Variants in PCDHGA3 observed in about 807,000 individuals in gnomAD.
PCDHGA3 encodes protocadherin gamma subfamily A, 3.
Under a neutral mutation model 58.5 loss-of-function variants are expected in PCDHGA3, and 40 were observed. The observed-to-expected ratio is 0.68, with a 90% confidence interval of 0.53 to 0.89. PCDHGA3 has a LOEUF of 0.89. Among genes scored for constraint, PCDHGA3 ranks in the 40% least tolerant of loss-of-function variants. The pLI is 0.00. For missense variants in PCDHGA3, 1,223 were observed against 1,195.9 expected (o/e 1.02, Z -0.33); for synonymous variants, 530 against 525.7 (o/e 1.01, Z -0.11).
At chr5:141,352,536 CAG>C (rs745565888) in intron 1 of PCDHGA3, 4 of 1,614,032 alleles carry the variant, frequency 2.5e-6, no homozygotes, top group South Asian at 2.2e-5. Context: ...TCTGCAAAGA[CAG>C]AGTTTAATTC....
chr5:141,444,470 C>T (rs1275997551), intron 1 of PCDHGA3, among the ~76,000 whole-genome samples: 2 of 152,058 alleles, frequency 1.3e-5, no homozygotes, highest in African/African-American at 2.4e-5. Flanking sequence ...TGCGCCCGGT[C>T]GCGTACTGGA....
intron 1 of PCDHGA3, chr5:141,419,244 C>T (rs2096349736): frequency 1.2e-6 from 2 of 1,614,008 alleles, no homozygotes; most frequent in Non-Finnish European, 1.7e-6. Context: ...GTCCACGTGC[C>T]AGAAAACAAC....
chr5:141,371,171 C>T, intron 1 of PCDHGA3: 1 of 1,614,048 alleles, frequency 6.2e-7, no homozygotes, highest in Non-Finnish European at 8.5e-7. Flanking sequence ...CCGCTGGCTC[C>T]TCCGTATTAA....
intron 1 of PCDHGA3, among the ~76,000 whole-genome samples, chr5:141,462,264 G>A (rs966953621): frequency 1.3e-5 from 2 of 152,174 alleles, no homozygotes; most frequent in African/African-American, 4.8e-5. Context: ...CCAGCCTAAA[G>A]TGTATTGTTT....
intron 1 of PCDHGA3, chr5:141,403,387 C>T: frequency 6.2e-7 from 1 of 1,614,042 alleles, no homozygotes; most frequent in Non-Finnish European, 8.5e-7. Context: ...TTAACGAAAT[C>T]GCGGTTCCTG....
At chr5:141,399,001 T>C in intron 1 of PCDHGA3, 1 of 1,613,890 alleles carries the variant, frequency 6.2e-7, no homozygotes, top group Non-Finnish European at 8.5e-7. Context: ...TAGTCTGAAT[T>C]CAAAGAGCGG....
rs374896827 is a variant in PCDHGA3 at position 141,366,348 on chromosome 5, C to A, written c.2424+19891C>A. 54 of 1,613,830 alleles carry A rather than the reference C, an allele frequency of 3.3e-5. No individual in the cohort carries two copies. In the African/African-American group the frequency reaches 6.7e-4, roughly 20 times the overall value. On this transcript the variant is annotated intron_variant, in intron 1 of 3. Transcript: ENST00000253812. ...GCCGACAGGATCCCTGACATCCTGG[C>A]TGACCTAGGCAGTATCAAGACCCCC...
intron 1 of PCDHGA3, chr5:141,375,696 G>A: frequency 6.2e-7 from 1 of 1,614,260 alleles, no homozygotes; most frequent in African/African-American, 1.3e-5. Flanking sequence ...AGCGACAGCG[G>A]GGACCCGCCT....
At chr5:141,417,646 C>A in intron 1 of PCDHGA3, 2 of 797,870 alleles carry the variant, frequency 2.5e-6, no homozygotes, top group Non-Finnish European at 3.8e-6. Context: ...GATCCCTCAG[C>A]CTCTAGCCTG....
At chr5:141,496,817 T>C (rs2099771666) in intron 2 of PCDHGA3, among the ~76,000 whole-genome samples, 1 of 151,020 alleles carries the variant, frequency 6.6e-6, no homozygotes, top group Non-Finnish European at 1.5e-5. Flanking sequence ...AGTGAACAAG[T>C]AGATGTGATC....
At chr5:141,400,856 A>G (rs1026499885) in intron 1 of PCDHGA3, among the ~76,000 whole-genome samples, 6 of 152,192 alleles carry the variant, frequency 3.9e-5, no homozygotes, top group Non-Finnish European at 8.8e-5. Context: ...ATTTTATTGT[A>G]TGTAGATAAA....
intron 1 of PCDHGA3, chr5:141,440,019 G>A (rs747595475): frequency 6.5e-5 from 10 of 153,114 alleles, no homozygotes; most frequent in Non-Finnish European, 8.8e-5. Flanking sequence ...AAGGATCTGG[G>A]ACTCAGTGTC....
rs118080774 is a variant in PCDHGA3, at chr5:141,422,026, G to A, written c.2425-72781G>A. On this transcript the variant is annotated intron_variant, in intron 1 of 3. Coordinates refer to ENST00000253812, the MANE Select transcript of PCDHGA3 (RefSeq NM_018916.4). ...CGGAACTCGGGTGCTGATGGTTAAT[G>A]CAACGGATCCAGACGAGGGAATCAA... 69 of 1,611,394 alleles carry A rather than the reference G, an allele frequency of 4.3e-5. No individual in the cohort carries two copies. The East Asian group carries it at 1.4e-3, about 32-fold the overall frequency.
In PCDHGA3 at chr5:141,431,716, G is replaced by T; in HGVS notation, c.2425-63091G>T. On this transcript the variant is annotated intron_variant, in intron 1 of 3. Transcript: ENST00000253812. The surrounding 1 kb of genome is among the most constrained non-coding windows in gnomAD (Gnocchi z 4.8). ...AGTCAGGATTCTACCAGATGGAAGT[G>T]CAAGCAATGGATAATGCAGGATATT... 1 of 1,614,244 alleles carries T rather than the reference G, an allele frequency of 6.2e-7. No homozygotes were observed. Among genetic ancestry groups the T allele is most frequent in the Middle Eastern group, 1.6e-4 (1 of 6,062 alleles).
At chr5:141,413,357 G>C in intron 1 of PCDHGA3, 1 of 1,613,992 alleles carries the variant, frequency 6.2e-7, no homozygotes, top group Non-Finnish European at 8.5e-7. Context: ...CTGGCGCCCC[G>C]GGAGCTGGCG....
chr5:141,486,617 C>A lies in PCDHGA3; in HGVS notation c.2425-8190C>A. On this transcript the variant is annotated intron_variant, in intron 1 of 3. Coordinates refer to ENST00000253812, the MANE Select transcript of PCDHGA3 (RefSeq NM_018916.4). The surrounding 1 kb of genome is among the most constrained non-coding windows in gnomAD (Gnocchi z 5.0). The stretch of plus-strand genomic sequence containing the variant: ...GCTTTGCTCCCTTGCAGCCTCTGAC[C>A]CAGACTCTGGCTTGAATGCGCTTAT... The A allele has an allele frequency of 1.2e-6, 2 of 1,613,602 alleles. No homozygotes were observed. The highest frequency in any genetic ancestry group is 2.2e-5 in the East Asian group (1 of 44,874).
rs370299433 is a variant in PCDHGA3 at position 141,476,360 on chromosome 5, G to A, written c.2425-18447G>A. 5.3e-5 allele frequency: 86 copies of A among 1,614,186 alleles called. No homozygotes were observed. The highest frequency in any genetic ancestry group is 6.7e-5 in the Non-Finnish European group (79 of 1,180,042). ...CCGAAGATTCTTTGAGGTGAACCGG[G>A]AGACCGGAGAGATGTTTGTGAACGA... On this transcript the variant is annotated intron_variant, in intron 1 of 3. Transcript: ENST00000253812. This position sits in a 1 kb window ranked among gnomAD's most constrained non-coding sequence, Gnocchi z 7.6.
chr5:141,347,137 C>CTCTTTCTTTCTCTCTTTCTTTCTTTCTT (rs1757891131), intron 1 of PCDHGA3, among the ~76,000 whole-genome samples: 1 of 113,744 alleles, frequency 8.8e-6, no homozygotes, highest in African/African-American at 3.8e-5. Context: ...CTCTGTTTCT[C>CTCTTTCTTTCTCTCTTTCTTTCTTTCTT]TCTTTCTTTC....
Position 141,490,271 on chromosome 5 carries a change from A to G in PCDHGA3, c.2425-4536A>G, listed in dbSNP as rs750463186. 6.8e-6 allele frequency: 11 copies of G among 1,614,246 alleles called. No homozygotes were observed. Among genetic ancestry groups the G allele is most frequent in the Non-Finnish European group, 8.5e-6 (10 of 1,180,054 alleles). On this transcript the variant is annotated intron_variant, in intron 1 of 3. Coordinates refer to ENST00000253812, the MANE Select transcript of PCDHGA3 (RefSeq NM_018916.4). The surrounding 1 kb of genome is among the most constrained non-coding windows in gnomAD (Gnocchi z 5.4). The stretch of plus-strand genomic sequence containing the variant: ...ATTCAAGTGGATGTGGGGGATGTCA[A>G]TGACAATGCCCCAGAGGTGCTATTG...
Sources: gnomAD v4.1 joint callset for allele counts (sites outside exome capture counted in the v4.1 genomes callset) on GRCh38, gnomAD v4.1.1 for gene constraint, Gnocchi (gnomAD v3.1) non-coding constraint, MANE v1.5 for transcripts, NCBI Gene and HGNC (gene_info 2026-07-23, HGNC 2026-07-21) for gene names.